Variants in PRKAG2 observed in about 807,000 individuals in gnomAD.
The protein encoded by PRKAG2 is protein kinase AMP-activated non-catalytic subunit gamma 2, also known as 5'-AMP-activated protein kinase subunit gamma-2.
In PRKAG2, 26 loss-of-function variants were observed where a neutral mutation model predicts 69.6. That is an observed-to-expected ratio of 0.37 (90% CI 0.27 to 0.52). The LOEUF is 0.52. Among genes scored for constraint, PRKAG2 ranks in the 20% least tolerant of loss-of-function variants. The probability of loss-of-function intolerance (pLI) is 0.90; values close to 1 mark genes in which losing one functional copy is unlikely to be tolerated. For missense variants in PRKAG2, 557 were observed against 740.0 expected (o/e 0.75, Z 2.87); for synonymous variants, 293 against 285.0 (o/e 1.03, Z -0.28).
chr7:151,639,153 C>T (rs544319340), intron 4 of PRKAG2, among the ~76,000 whole-genome samples: 209 of 152,308 alleles, frequency 1.4e-3, no homozygotes, highest in African/African-American at 4.9e-3. Flanking sequence ...GAGTTTTCTA[C>T]ACCAACGCAG....
At chr7:151,843,472 T>C (rs924959702) in intron 1 of PRKAG2, among the ~76,000 whole-genome samples, 3 of 152,186 alleles carry the variant, frequency 2.0e-5, no homozygotes, top group Non-Finnish European at 4.4e-5. Flanking sequence ...TTCATTGTTG[T>C]TTTCCCAAAA....
intron 6 of PRKAG2, among the ~76,000 whole-genome samples, chr7:151,577,421 T>C (rs1213053485): frequency 6.6e-6 from 1 of 152,088 alleles, no homozygotes; most frequent in African/African-American, 2.4e-5. Flanking sequence ...ACAGGGAAAA[T>C]GTCCAACCTT....
At chr7:151,804,943 A>T (rs2078026824) in intron 1 of PRKAG2, among the ~76,000 whole-genome samples, 1 of 152,158 alleles carries the variant, frequency 6.6e-6, no homozygotes, top group African/African-American at 2.4e-5. Flanking sequence ...GCCGTGGCTC[A>T]CTGTCAAAGT....
intron 4 of PRKAG2, among the ~76,000 whole-genome samples, chr7:151,662,315 T>G (rs1045894679): frequency 3.9e-5 from 6 of 152,232 alleles, no homozygotes; most frequent in African/African-American, 1.4e-4. Flanking sequence ...GTGCCCCAGA[T>G]GGAACTGAGG....
intron 1 of PRKAG2, among the ~76,000 whole-genome samples, chr7:151,787,760 G>A (rs1257490027): frequency 6.6e-6 from 1 of 152,116 alleles, no homozygotes; most frequent in Non-Finnish European, 1.5e-5. Context: ...TTGGAGATAG[G>A]GTCTTTAAGC....
Position 151,781,004 on chromosome 7 carries a change from A to T in PRKAG2, c.466+148T>A. ...CTGGAGAGAGATTTGTTTAGGGGGA[A>T]GTGGGGGTGGGGAGAAACAGATACA... On this transcript the variant is annotated intron_variant, in intron 3 of 15. Transcript: ENST00000287878. The surrounding 1 kb of genome is among the most constrained non-coding windows in gnomAD (Gnocchi z 6.1). The T allele has an allele frequency of 9.7e-7, 1 of 1,025,704 alleles. No homozygotes were observed. The highest frequency in any genetic ancestry group is 1.5e-6 in the Non-Finnish European group (1 of 670,624). 63.5% of individuals were successfully genotyped at this position (1,025,704 alleles called of 1,614,324 possible).
At chr7:151,698,460 G>A (rs918307407) in intron 3 of PRKAG2, among the ~76,000 whole-genome samples, 5 of 152,248 alleles carry the variant, frequency 3.3e-5, no homozygotes, top group South Asian at 4.1e-4. Context: ...AGAAGTCTGG[G>A]TCATGGGGGC....
intron 3 of PRKAG2, among the ~76,000 whole-genome samples, chr7:151,689,508 A>G (rs1835317300): frequency 6.6e-6 from 1 of 152,234 alleles, no homozygotes; most frequent in South Asian, 2.1e-4. Flanking sequence ...ACAGAAGCAC[A>G]TTCCCAAACC....
intron 3 of PRKAG2, among the ~76,000 whole-genome samples, chr7:151,687,840 C>T (rs73158159): frequency 2.0e-5 from 3 of 152,222 alleles, no homozygotes; most frequent in Non-Finnish European, 4.4e-5. Context: ...AAAAAGCACA[C>T]GGTCGCACCA....
chr7:151,732,737 G>A (rs942640857), intron 3 of PRKAG2, among the ~76,000 whole-genome samples: 1 of 152,154 alleles, frequency 6.6e-6, no homozygotes, highest in Admixed American at 6.5e-5. Flanking sequence ...TTGTCACCCA[G>A]GCTAGAGTGC....
chr7:151,564,856 CAGA>C (rs1005055744), intron 13 of PRKAG2, among the ~76,000 whole-genome samples: 2 of 152,032 alleles, frequency 1.3e-5, no homozygotes, highest in African/African-American at 4.8e-5. Flanking sequence ...GAGGCAGCTG[CAGA>C]AGAATGTTTA....
intron 3 of PRKAG2, among the ~76,000 whole-genome samples, chr7:151,706,784 C>G (rs542601716): frequency 6.6e-6 from 1 of 152,232 alleles, no homozygotes; most frequent in African/African-American, 2.4e-5. Context: ...GTCTAGAATA[C>G]GTTCCGGCAA....
At chr7:151,592,874 A>G (rs1022574128) in intron 6 of PRKAG2, among the ~76,000 whole-genome samples, 1 of 152,082 alleles carries the variant, frequency 6.6e-6, no homozygotes, top group African/African-American at 2.4e-5. Context: ...AAAATACTCA[A>G]ATCACCCCTT....
intron 3 of PRKAG2, among the ~76,000 whole-genome samples, chr7:151,713,087 C>G (rs1214858787): frequency 3.9e-5 from 6 of 152,202 alleles, no homozygotes; most frequent in African/African-American, 1.2e-4. Context: ...GTTCCCATTT[C>G]TCCTGTATGG....
intron 4 of PRKAG2, among the ~76,000 whole-genome samples, chr7:151,654,308 C>T (rs558511091): frequency 2.5e-4 from 38 of 152,290 alleles, no homozygotes; most frequent in African/African-American, 9.1e-4. Context: ...CTGCAGTCTT[C>T]TTGCACCCCA....
chr7:151,717,759 T>A (rs545100576), intron 3 of PRKAG2, among the ~76,000 whole-genome samples: 3 of 152,286 alleles, frequency 2.0e-5, no homozygotes, highest in African/African-American at 7.2e-5. Flanking sequence ...AACCAGGTAA[T>A]AAATCTGTTC....
At chr7:151,615,929 G>C (rs922645375) in intron 5 of PRKAG2, among the ~76,000 whole-genome samples, 2 of 152,180 alleles carry the variant, frequency 1.3e-5, no homozygotes, top group African/African-American at 4.8e-5. Context: ...CAAATGCCCT[G>C]GTCTACCATT....
At chr7:151,587,709 A>G (rs1457608915) in intron 6 of PRKAG2, among the ~76,000 whole-genome samples, 1 of 152,174 alleles carries the variant, frequency 6.6e-6, no homozygotes, top group African/African-American at 2.4e-5. Context: ...CAAAACCGTC[A>G]AGGTGTCAAA....
intron 3 of PRKAG2, among the ~76,000 whole-genome samples, chr7:151,779,907 C>T (rs561727136): frequency 6.6e-6 from 1 of 152,236 alleles, no homozygotes; most frequent in Non-Finnish European, 1.5e-5. Context: ...GATGTTTATA[C>T]AAGGAGATGG....
Sources: allele counts gnomAD v4.1 joint callset (sites outside exome capture counted in the v4.1 genomes callset), GRCh38; gene constraint gnomAD v4.1.1; non-coding constraint Gnocchi (gnomAD v3.1); transcripts MANE v1.5; gene names NCBI Gene and HGNC (gene_info 2026-07-23, HGNC 2026-07-21).